PRPF6: variants seen among roughly 807,000 people sequenced by gnomAD.
PRPF6 encodes pre-mRNA-processing factor 6.
PRPF6 carries 42 observed loss-of-function variants against 118.3 expected under a neutral mutation model. That is an observed-to-expected ratio of 0.35 (90% CI 0.28 to 0.46). PRPF6 has a LOEUF of 0.46. PRPF6 is among the 20% of genes least tolerant of loss of function. PRPF6 has a pLI of 1.00. For missense variants in PRPF6, 662 were observed against 1,255.7 expected (o/e 0.53, Z 7.15); for synonymous variants, 481 against 485.1 (o/e 0.99, Z 0.11).
At chr20:63,981,878 T>A (rs2059070584) in intron 1 of PRPF6, among the ~76,000 whole-genome samples, 1 of 151,980 alleles carries the variant, frequency 6.6e-6, no homozygotes, top group African/African-American at 2.4e-5. Context: ...AATAAGTACG[T>A]AAAGAGGACC....
At position 63,990,473 on chromosome 20, in the gene PRPF6, CT is replaced by C. The variant is rs534965927; in HGVS notation, c.360-2920del. ...TAAACGTGAATGGCATTGCATTTCA[CT>C]TTTTTTTTTTTTTGGATACAGGATC... is the stretch of plus-strand genomic sequence containing the variant. On this transcript the variant is annotated intron_variant, in intron 3 of 20. Coordinates refer to ENST00000266079, the MANE Select transcript of PRPF6 (RefSeq NM_012469.4). Among the ~76,000 whole-genome samples, 435 of 142,920 alleles carry C rather than the reference CT, an allele frequency of 3.0e-3. 1 individual carries two copies. Among genetic ancestry groups the C allele is most frequent in the South Asian group, 0.016 (73 of 4,546 alleles). The allele number at this position is 142,920 out of a possible 152,430, so 93.8% of individuals were successfully genotyped here.
rs568787787 is a variant in PRPF6, at chr20:64,032,987, C to T, written c.2820C>T (p.Thr940=). The part of the protein sequence containing the change: ...LRLVAGRIKN[T]F ...TGGTGGCCGGCCGCATCAAGAACAC[C>T]TTCTGATTGAGCGGTTGCCATGGCC... Residue 940 remains threonine (T), a synonymous_variant, in exon 21 of 21, where the codon ACC becomes ACT. Transcript: ENST00000266079. 1 of 1,613,274 alleles carries T rather than the reference C, an allele frequency of 6.2e-7. No homozygotes were observed. The highest frequency in any genetic ancestry group is 1.1e-5 in the South Asian group (1 of 91,078).
In PRPF6 at chr20:64,029,864, C is replaced by T. The variant is rs926882932; in HGVS notation, c.2546+373C>T. ...CGCCGGGTCAGAGACTCACTGGGGACGCATGTGATTCACACTGGTGCGCTG... is the reference window on the plus strand; with the variant it reads ...CGCCGGGTCAGAGACTCACTGGGGATGCATGTGATTCACACTGGTGCGCTG... On this transcript the variant is annotated intron_variant, in intron 19 of 20. Transcript: ENST00000266079. The surrounding 1 kb of genome is among the most constrained non-coding windows in gnomAD (Gnocchi z 4.8). Among the ~76,000 whole-genome samples the T allele has an allele frequency of 5.9e-5, 9 of 151,378 alleles. No homozygotes were observed. Among genetic ancestry groups the T allele is most frequent in the East Asian group, 1.9e-4 (1 of 5,164 alleles).
chr20:64,023,764 C>A (rs534957078), intron 13 of PRPF6, among the ~76,000 whole-genome samples: 2 of 152,300 alleles, frequency 1.3e-5, no homozygotes, highest in Admixed American at 6.5e-5. Flanking sequence ...AAGAACAGGG[C>A]GGTGCCAGGT....
In PRPF6 at chr20:64,014,271, A is replaced by AT. The variant is rs200546374; in HGVS notation, c.1525-2445dup. Among the ~76,000 whole-genome samples the AT allele has an allele frequency of 5.8e-3, 880 of 151,718 alleles. 12 individuals are homozygous for AT. The highest frequency in any genetic ancestry group is 0.02 in the African/African-American group (831 of 41,308). ...GTTTTTTTACTTTCTTTCTCTACACATTTTTTTCTGGACATTTTATATACA... is the reference window on the plus strand; with the variant it reads ...GTTTTTTTACTTTCTTTCTCTACACATTTTTTTTCTGGACATTTTATATACA... On this transcript the variant is annotated intron_variant, in intron 11 of 20. Transcript: ENST00000266079.
chr20:64,013,569 A>T (rs1037935653), intron 11 of PRPF6, among the ~76,000 whole-genome samples: 1 of 151,740 alleles, frequency 6.6e-6, no homozygotes, highest in Non-Finnish European at 1.5e-5. Flanking sequence ...TTAACCTCCC[A>T]AGTGGCTGGG....
chr20:64,022,899 GC>G (rs754674999), intron 13 of PRPF6, 21 bp downstream of exon 13: 4 of 1,613,850 alleles, frequency 2.5e-6, no homozygotes, highest in Non-Finnish European at 3.4e-6. Context: ...GGACCCGCCT[GC>G]CCAAGGGTGC....
intron 6 of PRPF6, among the ~76,000 whole-genome samples, chr20:63,997,049 A>T (rs2059143659): frequency 6.6e-6 from 1 of 152,158 alleles, no homozygotes; most frequent in Non-Finnish European, 1.5e-5. Context: ...TCATGTTGTT[A>T]TACAACCTCA....
intron 12 of PRPF6, among the ~76,000 whole-genome samples, chr20:64,021,842 T>TGTGTATGCGTGC (rs1224211697): frequency 6.6e-6 from 1 of 150,558 alleles, no homozygotes; most frequent in East Asian, 2.0e-4. Context: ...TGTGTGTGCG[T>TGTGTATGCGTGC]GTGTATGCGT....
intron 8 of PRPF6, among the ~76,000 whole-genome samples, chr20:63,999,982 C>T (rs951642049): frequency 1.3e-5 from 2 of 149,432 alleles, no homozygotes; most frequent in African/African-American, 5.0e-5. Flanking sequence ...GACGGAGTCT[C>T]GCTCTGTCAC....
rs1463382579 is a variant in PRPF6 at position 64,020,792 on chromosome 20, T to TA, written c.1648-1965_1648-1964insA. The stretch of plus-strand genomic sequence containing the variant: ...AAATATATACTATACCTAATTTTTT[T>TA]TTTTTTTTTTTTGAGACAAGGTCTC... On this transcript the variant is annotated intron_variant, in intron 12 of 20. Coordinates refer to ENST00000266079, the MANE Select transcript of PRPF6 (RefSeq NM_012469.4). 6.5e-3 allele frequency among the ~76,000 whole-genome samples: 988 copies of TA among 151,066 alleles called. 5 individuals are homozygous for TA. Among genetic ancestry groups the TA allele is most frequent in the Admixed American group, 0.01 (158 of 15,196 alleles).
chr20:64,026,575 T>C lies in PRPF6; in HGVS notation c.2029-407T>C, dbSNP rs907317649. On this transcript the variant is annotated intron_variant, in intron 15 of 20. Transcript: ENST00000266079. The surrounding 1 kb of genome is among the most constrained non-coding windows in gnomAD (Gnocchi z 4.4). Reference sequence around the variant, plus strand: ...GGCTCACGCCTGTAATCCCAGCACTTTGGGAGGCCAAGGCAGGTAGATTGT... The same window carrying C: ...GGCTCACGCCTGTAATCCCAGCACTCTGGGAGGCCAAGGCAGGTAGATTGT... 3.3e-5 allele frequency among the ~76,000 whole-genome samples: 5 copies of C among 151,288 alleles called. No homozygotes were observed. Among genetic ancestry groups the C allele is most frequent in the Non-Finnish European group, 5.9e-5 (4 of 67,928 alleles).
rs2059240391 is a variant in PRPF6, at chr20:64,016,779, T to C, written c.1581T>C (p.Arg527=). ...TGGCCACCTGCCAGGCCGTCATGCG[T>C]GCCGTGATTGGGATTGGGATTGAGG... ...GSVATCQAVM[R]AVIGIGIEEE... Residue 527 remains arginine, a synonymous_variant, in exon 12 of 21, where the codon CGT becomes CGC. Transcript: ENST00000266079. 2 of 1,614,112 alleles carry C rather than the reference T, an allele frequency of 1.2e-6. No individual in the cohort carries two copies. The highest frequency in any genetic ancestry group is 4.5e-5 in the East Asian group (2 of 44,884).
rs1435392138 is a variant in PRPF6, at chr20:64,029,306, C to G, written c.2432-71C>G. 7 of 1,398,318 alleles carry G rather than the reference C, an allele frequency of 5.0e-6. No homozygotes were observed. The highest frequency in any genetic ancestry group is 7.1e-6 in the Non-Finnish European group (7 of 986,418). The allele number at this position is 1,398,318 out of a possible 1,614,324, so 86.6% of individuals were successfully genotyped here. A position where few individuals can be genotyped will look rare whatever the true frequency, so the allele number is the denominator to read the frequency against. ...GTCTGAGGACGTCCCGGGTTAGAAT[C>G]TGTAGGCTGGGCACCTTTCCGGAAC... On this transcript the variant is annotated intron_variant, in intron 18 of 20. Coordinates refer to ENST00000266079, the MANE Select transcript of PRPF6 (RefSeq NM_012469.4). This position sits in a 1 kb window ranked among gnomAD's most constrained non-coding sequence, Gnocchi z 4.8.
At chr20:63,984,272 T>G (rs1031430068) in intron 2 of PRPF6, among the ~76,000 whole-genome samples, 1 of 152,008 alleles carries the variant, frequency 6.6e-6, no homozygotes, top group Non-Finnish European at 1.5e-5. Flanking sequence ...TACACAAAAA[T>G]TAGCCGGGCA....
chr20:64,015,758 A>G (rs141252426), intron 11 of PRPF6, among the ~76,000 whole-genome samples: 2 of 152,366 alleles, frequency 1.3e-5, no homozygotes, highest in African/African-American at 4.8e-5. Flanking sequence ...CAAGTGAGCC[A>G]GTCAGCACAT....
intron 12 of PRPF6, among the ~76,000 whole-genome samples, chr20:64,021,720 GCC>G (rs1229589663): frequency 1.1e-4 from 16 of 143,144 alleles, no homozygotes; most frequent in East Asian, 2.1e-4. Flanking sequence ...CTCAGCCACA[GCC>G]CCGTGTGTGT....
chr20:63,995,418 G>C lies in PRPF6; in HGVS notation c.707G>C (p.Gly236Ala). The C allele has an allele frequency of 1.2e-6, 2 of 1,614,154 alleles. No homozygotes were observed. The highest frequency in any genetic ancestry group is 1.7e-6 in the Non-Finnish European group (2 of 1,180,042). Residue 236 changes from glycine to alanine, a missense_variant, in exon 6 of 21, where the codon GGT (glycine) becomes GCT (alanine). This residue lies in a region of PRPF6 where 97 missense variants were observed against 122.6 expected (regional missense o/e 0.79). Coordinates refer to ENST00000266079, the MANE Select transcript of PRPF6 (RefSeq NM_012469.4). ...MTPGLMTPGT[G>A]ELDMRKIGQA... The stretch of plus-strand genomic sequence containing the variant: ...CCAGGACTGATGACACCTGGCACAG[G>C]TGAGCTGGACATGAGGAAGATTGGC...
In PRPF6 at chr20:64,029,622, C is replaced by A; in HGVS notation, c.2546+131C>A. 1.3e-6 allele frequency: 1 copy of A among 797,820 alleles called. No individual in the cohort carries two copies. 49.4% of individuals were successfully genotyped at this position (797,820 alleles called of 1,614,324 possible). ...GGTGGGCTTCCCCGATCCTCGGCTG[C>A]CGTCGCTCCTGCTGTGGTCTGGGGC... On this transcript the variant is annotated intron_variant, in intron 19 of 20. Coordinates refer to ENST00000266079, the MANE Select transcript of PRPF6 (RefSeq NM_012469.4). The surrounding 1 kb of genome is among the most constrained non-coding windows in gnomAD (Gnocchi z 4.8).
Sources: allele counts gnomAD v4.1 joint callset (sites outside exome capture counted in the v4.1 genomes callset), GRCh38; gene constraint gnomAD v4.1.1; regional missense constraint gnomAD v4.1.1; non-coding constraint Gnocchi (gnomAD v3.1); transcripts MANE v1.5; gene names NCBI Gene and HGNC (gene_info 2026-07-23, HGNC 2026-07-21).